Variants in ZNF215 observed in about 807,000 individuals in gnomAD.
ZNF215 encodes the protein zinc finger protein 215, also known as BWSCR2-associated zinc finger protein 2.
A neutral mutation model predicts 27.2 loss-of-function variants in ZNF215; 24 were observed. The observed-to-expected ratio is 0.88, with a 90% CI of 0.64 to 1.24. The LOEUF is 1.24. Ranked by LOEUF, ZNF215 falls within the 50% of genes most tolerant of loss-of-function variation. The pLI is 0.00. For missense variants in ZNF215, 675 were observed against 605.7 expected, an observed-to-expected ratio of 1.11 and a Z score of -1.20; for synonymous variants, 210 against 204.0, an observed-to-expected ratio of 1.03 and a Z score of -0.25.
Position 6,956,055 on chromosome 11 carries a change from G to C in ZNF215, c.1078G>C (p.Asp360His). The C allele has an allele frequency of 1.2e-6, 2 of 1,609,608 alleles. No individual in the cohort carries two copies. Among genetic ancestry groups the C allele is most frequent in the South Asian group, 2.2e-5 (2 of 89,814 alleles). The part of the protein sequence containing the change: ...KQHSEYEYGN[D>H]LSLSTDIRHQ... Reference sequence around the variant, plus strand: ...ACATTCAGAATATGAATATGGGAATGACTTGAGTTTGAGTACAGATATTCG... The same window carrying C: ...ACATTCAGAATATGAATATGGGAATCACTTGAGTTTGAGTACAGATATTCG... The change falls in exon 7 of 7, where the codon GAC (aspartate) becomes CAC (histidine). Residue 360 changes from aspartate to histidine, a missense_variant. Coordinates refer to ENST00000278319, the MANE Select transcript of ZNF215 (RefSeq NM_013250.4).
rs1359322479 is a variant in ZNF215, at chr11:6,943,682, T to C, written c.712+41T>C. ...ATATGAGGCCATAGTAAGAAGCTTC[T>C]GTTTCCTAAACATACAGACAATGTG... is the stretch of plus-strand genomic sequence containing the variant. On this transcript the variant is annotated intron_variant, in intron 6 of 6. Coordinates refer to ENST00000278319, the MANE Select transcript of ZNF215 (RefSeq NM_013250.4). 4.1e-6 allele frequency: 6 copies of C among 1,473,718 alleles called. No individual in the cohort carries two copies. In the African/African-American group the frequency reaches 5.6e-5, roughly 14 times the overall value. 91.3% of individuals were successfully genotyped at this position (1,473,718 alleles called of 1,614,324 possible). A position where few individuals can be genotyped will look rare whatever the true frequency, so the allele number is the denominator to read the frequency against.
In ZNF215 at chr11:6,956,815, C is replaced by A; in HGVS notation, c.*284C>A. 2 of 1,148,542 alleles carry A rather than the reference C, an allele frequency of 1.7e-6. No homozygotes were observed. Among genetic ancestry groups the A allele is most frequent in the African/African-American group, 1.6e-5 (1 of 62,514 alleles). 71.1% of individuals were successfully genotyped at this position (1,148,542 alleles called of 1,614,324 possible). On this transcript the variant is annotated 3_prime_UTR_variant, in exon 7 of 7. Coordinates refer to ENST00000278319, the MANE Select transcript of ZNF215 (RefSeq NM_013250.4). ...ATTATTTTGATATCCATTACCCTCA[C>A]CTCTCCCTAGTTCATAAATAGGTCT...
At chr11:6,969,715 G>A (rs944186308) in intron 5 of ZNF215, among the ~76,000 whole-genome samples, 5 of 152,108 alleles carry the variant, frequency 3.3e-5, no homozygotes, top group Non-Finnish European at 7.4e-5. Context: ...AAAAAAAATT[G>A]CAAAGAGCTT....
At chr11:6,958,516 G>A (rs1850450219), downstream of ZNF215, among the ~76,000 whole-genome samples, 1 of 152,040 alleles carries the variant, frequency 6.6e-6, no homozygotes, top group Non-Finnish European at 1.5e-5. Context: ...AGCATTTATA[G>A]CCAATTAACA....
At chr11:6,992,364 T>C (rs985719667), downstream of ZNF215, among the ~76,000 whole-genome samples, 13 of 152,208 alleles carry the variant, frequency 8.5e-5, no homozygotes, top group African/African-American at 2.7e-4. Flanking sequence ...TAATATATTG[T>C]CAAAGTTGTA....
At chr11:6,981,632 C>T (rs570572667) in intron 5 of ZNF215, among the ~76,000 whole-genome samples, 117 of 152,008 alleles carry the variant, frequency 7.7e-4, no homozygotes, top group African/African-American at 2.6e-3. Flanking sequence ...CATTTGTCAA[C>T]TTTGGCTTTT....
At chr11:6,976,475 A>T (rs1248718778) in intron 5 of ZNF215, among the ~76,000 whole-genome samples, 3 of 152,062 alleles carry the variant, frequency 2.0e-5, no homozygotes, top group Non-Finnish European at 2.9e-5. Flanking sequence ...TGAGTCCAGA[A>T]GATCGTATCA....
chr11:6,978,571 T>C (rs769685580), intron 5 of ZNF215, among the ~76,000 whole-genome samples: 9 of 151,948 alleles, frequency 5.9e-5, no homozygotes, highest in Non-Finnish European at 7.4e-5. Flanking sequence ...AAAATATGGA[T>C]TGATGGATGA....
chr11:6,972,095 C>G (rs1032525958), intron 5 of ZNF215, among the ~76,000 whole-genome samples: 14 of 152,092 alleles, frequency 9.2e-5, no homozygotes, highest in Admixed American at 5.2e-4. Context: ...TTGAGACTGC[C>G]TACTATTATC....
chr11:6,938,442 CAT>C (rs1249534839), intron 3 of ZNF215, among the ~76,000 whole-genome samples: 1 of 151,972 alleles, frequency 6.6e-6, no homozygotes, highest in Non-Finnish European at 1.5e-5. Context: ...AAAAATTAAA[CAT>C]AGAATTACCA....
At position 6,934,686 on chromosome 11, in the gene ZNF215, C is replaced by T. The variant is rs142845183; in HGVS notation, c.400+2014C>T. On this transcript the variant is annotated intron_variant, in intron 3 of 6. Transcript: ENST00000278319. ...TCTCACCACACTGGAAAAGGTTCCTCACTTTTCAGGATTCATGTAATTAGG... is the reference window on the plus strand; with the variant it reads ...TCTCACCACACTGGAAAAGGTTCCTTACTTTTCAGGATTCATGTAATTAGG... Among the ~76,000 whole-genome samples the T allele has an allele frequency of 7.2e-5, 11 of 152,326 alleles. No individual in the cohort carries two copies. In the East Asian group the frequency reaches 1.9e-3, roughly 27 times the overall value.
At chr11:6,990,558 TACA>T (rs2133366503), downstream of ZNF215, among the ~76,000 whole-genome samples, 1 of 152,362 alleles carries the variant, frequency 6.6e-6, no homozygotes, top group South Asian at 2.1e-4. Flanking sequence ...ACTTACACCT[TACA>T]ACCTCTGTAT....
intron 5 of ZNF215, among the ~76,000 whole-genome samples, chr11:6,982,464 GCACCA>G (rs1448924249): frequency 6.6e-6 from 1 of 151,990 alleles, no homozygotes; most frequent in Non-Finnish European, 1.5e-5. Flanking sequence ...ATTTTTTTCA[GCACCA>G]CACCACACCT....
intron 6 of ZNF215, among the ~76,000 whole-genome samples, chr11:6,955,321 C>T (rs1850284835): frequency 1.3e-5 from 2 of 152,236 alleles, no homozygotes; most frequent in Non-Finnish European, 2.9e-5. Context: ...TGGTAAACAG[C>T]TTGGGATAAA....
At chr11:6,943,697 C>T (rs1849715154) in intron 6 of ZNF215, 56 bp downstream of exon 6, 8 of 1,335,150 alleles carry the variant, frequency 6.0e-6, no homozygotes, top group Non-Finnish European at 7.5e-6. Context: ...CCTAAACATA[C>T]AGACAATGTG....
intron 3 of ZNF215, among the ~76,000 whole-genome samples, chr11:6,934,570 C>G (rs1332219653): frequency 1.3e-5 from 2 of 152,120 alleles, no homozygotes; most frequent in African/African-American, 2.4e-5. Flanking sequence ...TCAAAGCTAG[C>G]AACAATGGGC....
At chr11:6,960,373 A>T (rs1850492416), downstream of ZNF215, among the ~76,000 whole-genome samples, 3 of 152,302 alleles carry the variant, frequency 2.0e-5, 1 homozygote, top group South Asian at 6.2e-4. Context: ...CGCAGTCTGC[A>T]TAAAGGAAGA....
chr11:6,978,139 ACAGTGTT>A (rs1193927364), intron 5 of ZNF215, among the ~76,000 whole-genome samples: 1 of 152,032 alleles, frequency 6.6e-6, no homozygotes, highest in African/African-American at 2.4e-5. Flanking sequence ...TGTAGGTAAA[ACAGTGTT>A]CAGTTAGTGA....
At position 6,973,422 on chromosome 11, in the gene ZNF215, T is replaced by C. The variant is rs369808571; in HGVS notation, c.806-10707T>C. Reference sequence around the variant, plus strand: ...TTTGGGTATATACCCAGTAATGGGATGGCTGGGTCAAATGGTATTTCTAGT... The same window carrying C: ...TTTGGGTATATACCCAGTAATGGGACGGCTGGGTCAAATGGTATTTCTAGT... On this transcript the variant is annotated intron_variant, in intron 5 of 5. Transcript: ENST00000529903. Among the ~76,000 whole-genome samples the C allele has an allele frequency of 1.4e-4, 22 of 152,332 alleles. No homozygotes were observed. The South Asian group carries it at 2.9e-3, about 20-fold the overall frequency.
Sources: gnomAD v4.1 joint callset for allele counts (sites outside exome capture counted in the v4.1 genomes callset) on GRCh38, gnomAD v4.1.1 for gene constraint, MANE v1.5 for transcripts, NCBI Gene and HGNC (gene_info 2026-07-23, HGNC 2026-07-21) for gene names.